SNX10: variants seen among roughly 807,000 people sequenced by gnomAD.
SNX10 encodes the protein sorting nexin-10.
Under a neutral mutation model 28.5 loss-of-function variants are expected in SNX10, and 25 were observed. The observed-to-expected ratio is 0.88, with a 90% confidence interval of 0.64 to 1.22. SNX10 has a LOEUF of 1.22. Among genes scored for constraint, SNX10 ranks in the 50% most tolerant of loss-of-function variants. The pLI is 0.00. For synonymous variants in SNX10, 62 were observed against 81.4 expected (o/e 0.76, Z 1.28); for missense variants, 223 against 242.6 (o/e 0.92, Z 0.54).
intron 2 of SNX10, among the ~76,000 whole-genome samples, chr7:26,358,811 T>TTG (rs1562817099): frequency 6.9e-6 from 1 of 144,646 alleles, no homozygotes; most frequent in Non-Finnish European, 1.5e-5. Flanking sequence ...TTGTGTTTTT[T>TTG]TTTTTTTTTT....
intron 1 of SNX10, among the ~76,000 whole-genome samples, chr7:26,299,977 G>A (rs1189374513): frequency 2.6e-5 from 4 of 152,070 alleles, no homozygotes; most frequent in Non-Finnish European, 5.9e-5. Flanking sequence ...TTGGGAGGCC[G>A]AGGCGAGTGG....
chr7:26,306,959 A>G (rs962224268), intron 1 of SNX10, among the ~76,000 whole-genome samples: 2 of 152,190 alleles, frequency 1.3e-5, no homozygotes, highest in African/African-American at 2.4e-5. Context: ...TGAATTCACA[A>G]CCAGGTGGTC....
chr7:26,309,781 A>AGGGCTC (rs1786748253), intron 1 of SNX10, among the ~76,000 whole-genome samples: 2 of 152,190 alleles, frequency 1.3e-5, no homozygotes, highest in South Asian at 4.2e-4. Context: ...GGTGAGGGTG[A>AGGGCTC]GGGCTCCTCT....
chr7:26,303,886 C>T (rs1264455948), intron 1 of SNX10, among the ~76,000 whole-genome samples: 1 of 152,160 alleles, frequency 6.6e-6, no homozygotes, highest in African/African-American at 2.4e-5. Flanking sequence ...TACTAATTCC[C>T]TGGTGTGGAT....
chr7:26,312,862 A>T (rs904257924), intron 1 of SNX10, among the ~76,000 whole-genome samples: 2 of 152,218 alleles, frequency 1.3e-5, no homozygotes, highest in Non-Finnish European at 2.9e-5. Context: ...TACTAATTAA[A>T]TCACATTGAA....
At chr7:26,313,141 G>T (rs1442427037) in intron 1 of SNX10, among the ~76,000 whole-genome samples, 1 of 152,160 alleles carries the variant, frequency 6.6e-6, no homozygotes, top group Admixed American at 6.5e-5. Context: ...TCACATCATG[G>T]AATAGTACAC....
chr7:26,348,490 C>T (rs764212087), intron 2 of SNX10, among the ~76,000 whole-genome samples: 19 of 152,220 alleles, frequency 1.2e-4, no homozygotes, highest in Non-Finnish European at 2.5e-4. Flanking sequence ...CGAGAACCAG[C>T]CAAAGCAAGA....
At chr7:26,359,973 C>T (rs1413879155) in intron 2 of SNX10, among the ~76,000 whole-genome samples, 2 of 151,970 alleles carry the variant, frequency 1.3e-5, no homozygotes. Flanking sequence ...TTAAATTTTG[C>T]CCCATGTTTT....
At chr7:26,365,015 A>T in intron 4 of SNX10, 32 bp from the exon 5 acceptor site, 2 of 1,376,880 alleles carry the variant, frequency 1.5e-6, no homozygotes, top group Non-Finnish European at 2.1e-6. Flanking sequence ...TGAGTTAATC[A>T]TTTAAAAACA....
intron 2 of SNX10, among the ~76,000 whole-genome samples, chr7:26,353,773 CATT>C (rs1400266439): frequency 6.6e-6 from 1 of 152,088 alleles, no homozygotes; most frequent in East Asian, 1.9e-4. Flanking sequence ...ATTCTATAAT[CATT>C]AGTTGTATGG....
At chr7:26,310,424 C>A (rs1306248487) in intron 1 of SNX10, among the ~76,000 whole-genome samples, 2 of 152,086 alleles carry the variant, frequency 1.3e-5, no homozygotes, top group Admixed American at 1.3e-4. Flanking sequence ...ATATAATCCT[C>A]AAGAAAATAG....
At chr7:26,302,049 T>C (rs1786389934) in intron 1 of SNX10, among the ~76,000 whole-genome samples, 1 of 152,216 alleles carries the variant, frequency 6.6e-6, no homozygotes, top group South Asian at 2.1e-4. Context: ...GTTTTTTCCC[T>C]TATACCATAG....
At position 26,364,746 on chromosome 7, in the gene SNX10, AT is replaced by A; in HGVS notation, c.212+113del. Reference sequence around the variant, plus strand: ...AGGATTTTTATAGGCTTTTGCCTTGATTACAATATGTAGCTTTAGTTTCTTA... The same window carrying A: ...AGGATTTTTATAGGCTTTTGCCTTGATACAATATGTAGCTTTAGTTTCTTA... On this transcript the variant is annotated intron_variant, in intron 4 of 6. Coordinates refer to ENST00000338523, the MANE Select transcript of SNX10 (RefSeq NM_013322.3). This position sits in a 1 kb window ranked among gnomAD's most constrained non-coding sequence, Gnocchi z 4.9. 1.3e-6 allele frequency: 1 copy of A among 750,926 alleles called. No homozygotes were observed. The highest frequency in any genetic ancestry group is 2.1e-6 in the Non-Finnish European group (1 of 471,810). The allele number at this position is 750,926 out of a possible 1,614,324, so 46.5% of individuals were successfully genotyped here. A position where few individuals can be genotyped will look rare whatever the true frequency, so the allele number is the denominator to read the frequency against.
chr7:26,361,153 C>G (rs1156541531), intron 3 of SNX10, 92 bp downstream of exon 3: 6 of 1,285,592 alleles, frequency 4.7e-6, no homozygotes, highest in Non-Finnish European at 6.2e-6. Context: ...AAGTTTTTCT[C>G]ATTCAAATAA....
chr7:26,346,402 G>T lies in SNX10; in HGVS notation c.-23-18G>T. ...TTGGAGGTTCCAAATGACCCAGTGT[G>T]GATATCTTATTTTTCAGATTGATCG... On this transcript the variant is annotated intron_variant, in intron 1 of 6. Transcript: ENST00000338523. 1 of 1,561,852 alleles carries T rather than the reference G, an allele frequency of 6.4e-7. No homozygotes were observed.
intron 1 of SNX10, among the ~76,000 whole-genome samples, chr7:26,329,718 A>G (rs1011112222): frequency 1.3e-5 from 2 of 152,206 alleles, no homozygotes; most frequent in Non-Finnish European, 2.9e-5. Context: ...CAATGATCAC[A>G]GCGTTACAAA....
At chr7:26,304,975 G>A (rs1584092939) in intron 1 of SNX10, among the ~76,000 whole-genome samples, 2 of 152,170 alleles carry the variant, frequency 1.3e-5, no homozygotes, top group Non-Finnish European at 2.9e-5. Flanking sequence ...GGTTTTCTGC[G>A]AATTCCCTGG....
chr7:26,344,312 C>G (rs974316616), intron 1 of SNX10, among the ~76,000 whole-genome samples: 1 of 151,944 alleles, frequency 6.6e-6, no homozygotes, highest in Non-Finnish European at 1.5e-5. Context: ...GCTGAGACCA[C>G]GGGCGTGCCA....
In SNX10 at chr7:26,331,307, C is replaced by T. The variant is rs143701957; in HGVS notation, c.-23-15113C>T. Reference sequence around the variant, plus strand: ...ACCCATTTAAAATGTGCATACAGGCCGGGCGTGGTGGCTCACTCCTGTAAT... The same window carrying T: ...ACCCATTTAAAATGTGCATACAGGCTGGGCGTGGTGGCTCACTCCTGTAAT... On this transcript the variant is annotated intron_variant, in intron 1 of 6. Transcript: ENST00000338523. Among the ~76,000 whole-genome samples, 35 of 152,268 alleles carry T rather than the reference C, an allele frequency of 2.3e-4. No individual in the cohort carries two copies. The South Asian group carries it at 3.9e-3, about 17-fold the overall frequency.
Sources: allele counts gnomAD v4.1 joint callset (sites outside exome capture counted in the v4.1 genomes callset), GRCh38; gene constraint gnomAD v4.1.1; non-coding constraint Gnocchi (gnomAD v3.1); transcripts MANE v1.5; gene names NCBI Gene and HGNC (gene_info 2026-07-23, HGNC 2026-07-21).